Variants in WDR49 observed in about 807,000 individuals in gnomAD.
WDR49 encodes the protein WD repeat domain 49, also known as cilia- and flagella-associated protein 337.
WDR49 carries 107 observed loss-of-function variants against 119.5 expected under a neutral mutation model. That is an observed-to-expected ratio of 0.90 (90% CI 0.77 to 1.05). The LOEUF (loss-of-function observed/expected upper bound fraction) is 1.05, where lower values mean the gene tolerates loss of function less well. Among genes scored for constraint, WDR49 ranks in the 50% least tolerant of loss-of-function variants. The probability of loss-of-function intolerance (pLI) is 0.00; values close to 1 mark genes in which losing one functional copy is unlikely to be tolerated. For missense variants in WDR49, 1,240 were observed against 1,220.5 expected (o/e 1.02, Z -0.24); for synonymous variants, 425 against 418.8 (o/e 1.01, Z -0.18).
intron 5 of WDR49, among the ~76,000 whole-genome samples, chr3:167,618,551 A>G (rs1032222193): frequency 6.6e-6 from 1 of 152,196 alleles, no homozygotes; most frequent in African/African-American, 2.4e-5. Context: ...TGAGAAATAT[A>G]TAATACGAAT....
chr3:167,528,514 T>C (rs545229835), intron 14 of WDR49, among the ~76,000 whole-genome samples: 1 of 143,624 alleles, frequency 7.0e-6, no homozygotes, highest in Non-Finnish European at 1.5e-5. Flanking sequence ...ACCCTGTCTC[T>C]ACAAAAAGTA....
chr3:167,587,556 C>A (rs1350380101), intron 7 of WDR49, among the ~76,000 whole-genome samples: 1 of 152,106 alleles, frequency 6.6e-6, no homozygotes, highest in African/African-American at 2.4e-5. Flanking sequence ...CATGATCACG[C>A]CTCACTGCAG....
At chr3:167,597,108 G>C (rs1162829775) in intron 7 of WDR49, among the ~76,000 whole-genome samples, 1 of 152,166 alleles carries the variant, frequency 6.6e-6, no homozygotes. Context: ...AGGCCCAAAG[G>C]CCTAGGTGGG....
chr3:167,521,738 A>G (rs1752442394), intron 16 of WDR49, among the ~76,000 whole-genome samples: 1 of 152,180 alleles, frequency 6.6e-6, no homozygotes, highest in Non-Finnish European at 1.5e-5. Context: ...GTTTAGCAAA[A>G]GTGTAGAAAA....
intron 10 of WDR49, among the ~76,000 whole-genome samples, chr3:167,547,153 A>G (rs985410056): frequency 2.0e-5 from 3 of 151,840 alleles, no homozygotes; most frequent in African/African-American, 4.8e-5. Context: ...ATGGAAACCA[A>G]TTGAGTCATA....
At chr3:167,539,410 T>C (rs1419075331) in intron 10 of WDR49, among the ~76,000 whole-genome samples, 1 of 152,106 alleles carries the variant, frequency 6.6e-6, no homozygotes, top group African/African-American at 2.4e-5. Flanking sequence ...CAGACCCACA[T>C]CTACCTATTC....
chr3:167,531,020 G>A (rs777684807), intron 13 of WDR49, 95 bp downstream of exon 13: 28 of 1,291,520 alleles, frequency 2.2e-5, no homozygotes, highest in Middle Eastern at 2.6e-4. Context: ...GGTTAGCTAC[G>A]TGCAGTCAAA....
chr3:167,530,433 T>G (rs1023671874), intron 13 of WDR49, among the ~76,000 whole-genome samples: 1 of 152,128 alleles, frequency 6.6e-6, no homozygotes, highest in Non-Finnish European at 1.5e-5. Context: ...ATCAACACCA[T>G]GCTAATATTG....
chr3:167,521,361 A>G (rs1752427459), intron 16 of WDR49, among the ~76,000 whole-genome samples: 1 of 152,188 alleles, frequency 6.6e-6, no homozygotes, highest in African/African-American at 2.4e-5. Flanking sequence ...CAGAAAAAAG[A>G]GAATGCTTTG....
chr3:167,530,242 G>T (rs1322773543), intron 13 of WDR49, among the ~76,000 whole-genome samples: 3 of 151,660 alleles, frequency 2.0e-5, no homozygotes, highest in African/African-American at 7.3e-5. Context: ...ATTAAATATG[G>T]GAAACAATAA....
chr3:167,652,080 T>A (rs933530687), intron 2 of WDR49, among the ~76,000 whole-genome samples: 2 of 152,194 alleles, frequency 1.3e-5, no homozygotes, highest in Non-Finnish European at 2.9e-5. Flanking sequence ...TAAATTTACT[T>A]GGGGCACTGG....
chr3:167,604,590 G>C (rs1715953323), intron 5 of WDR49, 122 bp from the exon 6 acceptor site: 2 of 998,628 alleles, frequency 2.0e-6, no homozygotes, highest in Admixed American at 6.1e-5. Flanking sequence ...GATACAAACT[G>C]ATACTTAAAA....
chr3:167,641,823 A>T (rs1327009261), intron 2 of WDR49, among the ~76,000 whole-genome samples: 1 of 151,980 alleles, frequency 6.6e-6, no homozygotes, highest in African/African-American at 2.4e-5. Flanking sequence ...CAGCTGTTAA[A>T]CAAATGAAAA....
chr3:167,643,474 CA>C, intron 2 of WDR49, among the ~76,000 whole-genome samples: 1 of 152,158 alleles, frequency 6.6e-6, no homozygotes, highest in Middle Eastern at 3.4e-3. Context: ...GGAAACTAAA[CA>C]GATGAAAGAG....
intron 2 of WDR49, among the ~76,000 whole-genome samples, chr3:167,628,622 A>C (rs575192628): frequency 6.6e-6 from 1 of 152,248 alleles, no homozygotes; most frequent in South Asian, 2.1e-4. Flanking sequence ...GCAGAGATTG[A>C]TTCATGAGGT....
At chr3:167,643,231 A>G (rs975842674) in intron 2 of WDR49, among the ~76,000 whole-genome samples, 2 of 152,076 alleles carry the variant, frequency 1.3e-5, no homozygotes, top group Admixed American at 1.3e-4. Context: ...AAGGGACCCA[A>G]CGTATAGCAT....
chr3:167,478,881 C>T lies in WDR49; in HGVS notation c.3147G>A (p.Lys1049=), dbSNP rs998615016. 2.5e-6 allele frequency: 4 copies of T among 1,596,642 alleles called. No homozygotes were observed. Among genetic ancestry groups the T allele is most frequent in the South Asian group, 2.3e-5 (2 of 87,592 alleles). ...AGTGAAGGTTTTTCTGTTGTAATTA[C>T]TTCTTATTTTTCTTCACTTCACAAC... ...EKSCEVKKNK[K] Residue 1049 remains lysine (K), a synonymous_variant, in exon 19 of 19, where the codon AAG becomes AAA. Coordinates refer to ENST00000682715, the MANE Select transcript of WDR49 (RefSeq NM_001366157.1).
chr3:167,544,839 A>C (rs1027445552), intron 10 of WDR49, among the ~76,000 whole-genome samples: 4 of 152,024 alleles, frequency 2.6e-5, no homozygotes, highest in Non-Finnish European at 4.4e-5. Context: ...ATAAATAAAT[A>C]GATGGGACCT....
intron 5 of WDR49, among the ~76,000 whole-genome samples, chr3:167,614,261 C>T (rs2108316200): frequency 6.6e-6 from 1 of 152,156 alleles, no homozygotes; most frequent in South Asian, 2.1e-4. Context: ...ACCACCACAC[C>T]TGGCTAATTT....
Sources: allele counts gnomAD v4.1 joint callset (sites outside exome capture counted in the v4.1 genomes callset), GRCh38; gene constraint gnomAD v4.1.1; transcripts MANE v1.5; gene names NCBI Gene and HGNC (gene_info 2026-07-23, HGNC 2026-07-21).